SUMF1: variants seen among roughly 807,000 people sequenced by gnomAD.
SUMF1 encodes sulfatase modifying factor 1, also known as formylglycine-generating enzyme.
A neutral mutation model predicts 47.6 loss-of-function variants in SUMF1; 48 were observed. The observed-to-expected ratio is 1.01, with a 90% CI of 0.80 to 1.28. SUMF1 has a LOEUF of 1.28. Ranked by LOEUF, SUMF1 falls within the 50% of genes most tolerant of loss-of-function variation. SUMF1 has a pLI of 0.00. For synonymous variants in SUMF1, 230 were observed against 192.1 expected, an observed-to-expected ratio of 1.20 and a Z score of -1.63; for missense variants, 571 against 485.4, an observed-to-expected ratio of 1.18 and a Z score of -1.66.
Position 4,168,765 on chromosome 3 carries a change from T to C in SUMF1, c.1015-100020A>G, listed in dbSNP as rs147977442. Among the ~76,000 whole-genome samples the C allele has an allele frequency of 5.3e-3, 806 of 152,310 alleles. 10 individuals carry two copies. The highest frequency in any genetic ancestry group is 0.018 in the African/African-American group (734 of 41,554). On this transcript the variant is annotated intron_variant and NMD_transcript_variant, in intron 8 of 12. Coordinates refer to the SUMF1 transcript ENST00000448413. ...AGAGGAGACATTATATTACCCAGTA[T>C]TGTGGTGAGGATTTCATGAGATACA...
chr3:4,139,584 A>G (rs73809326), intron 8 of SUMF1, among the ~76,000 whole-genome samples: 57,540 of 150,276 alleles, frequency 0.38, 12,180 homozygotes, highest in Non-Finnish European at 0.49. Context: ...GTGTGTGTAT[A>G]TATATACACA....
chr3:4,467,188 G>A lies in SUMF1; in HGVS notation c.58C>T (p.Leu20Phe), dbSNP rs200142963. The A allele has an allele frequency of 7.3e-5, 118 of 1,610,574 alleles. No homozygotes were observed. Among genetic ancestry groups the A allele is most frequent in the African/African-American group, 2.1e-4 (16 of 74,826 alleles). Residue 20 changes from leucine (L) to phenylalanine (F), a missense_variant, in exon 1 of 9, where the codon CTC becomes TTC. By Grantham distance (22) the Leu-to-Phe change is conservative (BLOSUM62 0). Coordinates refer to ENST00000272902, the MANE Select transcript of SUMF1 (RefSeq NM_182760.4). ...CGRCPELGLV[L>F]LLLLLSLLCG... ...AGCAGCGAGAGCAGCAGCAGCAAGAGGACGAGACCCAGCTCAGGGCAACGT... is the reference window on the plus strand; with the variant it reads ...AGCAGCGAGAGCAGCAGCAGCAAGAAGACGAGACCCAGCTCAGGGCAACGT...
At chr3:4,461,025 T>G (rs2079802249) in intron 1 of SUMF1, among the ~76,000 whole-genome samples, 2 of 152,160 alleles carry the variant, frequency 1.3e-5, no homozygotes, top group South Asian at 4.1e-4. Context: ...AATGAATCTT[T>G]TATTTCTATA....
chr3:4,376,260 T>C (rs1406331704), intron 8 of SUMF1, 70 bp downstream of exon 8: 12 of 1,558,090 alleles, frequency 7.7e-6, no homozygotes, highest in Non-Finnish European at 1.1e-5. Flanking sequence ...TTTGGGGCTA[T>C]CATTTACAAT....
rs747442989 is a variant in SUMF1, at chr3:4,316,893, C to G, written c.1014+59437G>C. 24 of 1,549,320 alleles carry G rather than the reference C, an allele frequency of 1.5e-5. No homozygotes were observed. In the South Asian group the frequency reaches 2.9e-4, roughly 18 times the overall value. On this transcript the variant is annotated intron_variant and NMD_transcript_variant, in intron 8 of 12. Transcript: ENST00000448413. Reference sequence around the variant, plus strand: ...TGCTCAGGAAATCGATGAGATGAACCAAAAACTGCAACGCCTGCAGCTGGC... The same window carrying G: ...TGCTCAGGAAATCGATGAGATGAACGAAAAACTGCAACGCCTGCAGCTGGC...
chr3:4,363,460 T>G (rs1177502943), intron 8 of SUMF1, among the ~76,000 whole-genome samples: 1 of 151,946 alleles, frequency 6.6e-6, no homozygotes, highest in East Asian at 1.9e-4. Flanking sequence ...GGTGGATTCC[T>G]AGGTATTTTA....
chr3:4,357,699 C>T (rs1211715545), downstream of SUMF1, among the ~76,000 whole-genome samples: 1 of 151,758 alleles, frequency 6.6e-6, no homozygotes, highest in African/African-American at 2.4e-5. Flanking sequence ...ACCTCTGCCT[C>T]CCGACTTCAA....
intron 8 of SUMF1, among the ~76,000 whole-genome samples, chr3:4,081,648 A>G (rs1451101122): frequency 2.0e-5 from 3 of 152,106 alleles, no homozygotes; most frequent in African/African-American, 7.2e-5. Context: ...ACTTCACCTC[A>G]GCTTCTTCAG....
chr3:4,229,587 G>A (rs1696252361), intron 8 of SUMF1, among the ~76,000 whole-genome samples: 1 of 152,120 alleles, frequency 6.6e-6, no homozygotes, highest in Non-Finnish European at 1.5e-5. Flanking sequence ...CATAATGCCT[G>A]ACACACAGTA....
At chr3:4,271,538 A>G (rs1264590343) in intron 8 of SUMF1, among the ~76,000 whole-genome samples, 1 of 152,070 alleles carries the variant, frequency 6.6e-6, no homozygotes. Flanking sequence ...GGATCTCAAC[A>G]TTGCCCAGGC....
rs762132368 is a variant in SUMF1, at chr3:4,376,322, T to A, written c.1014+8A>T. 1 of 1,614,130 alleles carries A rather than the reference T, an allele frequency of 6.2e-7. No homozygotes were observed. Among genetic ancestry groups the A allele is most frequent in the Non-Finnish European group, 8.5e-7 (1 of 1,179,966 alleles). ...AGAACGGCAAAACAGTTTAGTGACA[T>A]GACTTACCCTATGGCACATGTAGGA... On this transcript the variant is annotated splice_region_variant and intron_variant, in intron 8 of 8. Coordinates refer to ENST00000272902, the MANE Select transcript of SUMF1 (RefSeq NM_182760.4).
At chr3:4,288,318 T>C (rs1379133349) in intron 8 of SUMF1, among the ~76,000 whole-genome samples, 1 of 152,170 alleles carries the variant, frequency 6.6e-6, no homozygotes, top group Non-Finnish European at 1.5e-5. Flanking sequence ...TCATCAGCTT[T>C]AGGCAAAGAT....
At chr3:4,103,383 A>G (rs947434252) in intron 8 of SUMF1, among the ~76,000 whole-genome samples, 5 of 152,098 alleles carry the variant, frequency 3.3e-5, no homozygotes, top group Non-Finnish European at 7.3e-5. Flanking sequence ...CTCTAAAAGG[A>G]ATACTATAGG....
intron 8 of SUMF1, among the ~76,000 whole-genome samples, chr3:4,176,008 A>G (rs145685965): frequency 6.6e-6 from 1 of 152,310 alleles, no homozygotes; most frequent in East Asian, 1.9e-4. Flanking sequence ...AAAAGAAATG[A>G]ACAAAGCCTC....
chr3:4,216,152 T>C (rs1194314427), intron 8 of SUMF1, among the ~76,000 whole-genome samples: 1 of 152,142 alleles, frequency 6.6e-6, no homozygotes. Context: ...ATTACAAGGC[T>C]ACAGTAACAA....
chr3:4,085,435 T>A (rs1477674087), intron 8 of SUMF1, among the ~76,000 whole-genome samples: 1 of 152,064 alleles, frequency 6.6e-6, no homozygotes, highest in Non-Finnish European at 1.5e-5. Flanking sequence ...TCTTTCTTCA[T>A]CTTTACCCCA....
chr3:4,041,779 T>C (rs1298827629), intron 9 of SUMF1, among the ~76,000 whole-genome samples: 1 of 152,218 alleles, frequency 6.6e-6, no homozygotes, highest in South Asian at 2.1e-4. Flanking sequence ...CTGCATGAGC[T>C]ATACCTCTTT....
At chr3:4,166,474 C>A (rs1012075442) in intron 8 of SUMF1, among the ~76,000 whole-genome samples, 15 of 152,188 alleles carry the variant, frequency 9.9e-5, no homozygotes, top group African/African-American at 3.4e-4. Flanking sequence ...GGGCCTTGGG[C>A]AAAAATTATA....
intron 9 of SUMF1, among the ~76,000 whole-genome samples, chr3:4,065,010 G>C (rs1162788663): frequency 6.6e-6 from 1 of 152,078 alleles, no homozygotes; most frequent in African/African-American, 2.4e-5. Context: ...AAAAAAGCAA[G>C]GTTTGCACCA....
Sources: allele counts gnomAD v4.1 joint callset (sites outside exome capture counted in the v4.1 genomes callset), GRCh38; gene constraint gnomAD v4.1.1; transcripts MANE v1.5; gene names NCBI Gene and HGNC (gene_info 2026-07-23, HGNC 2026-07-21).